ACOXL: variants seen among roughly 807,000 people sequenced by gnomAD.
ACOXL encodes the protein acyl-CoA oxidase like.
A neutral mutation model predicts 71.9 loss-of-function variants in ACOXL; 70 were observed. The observed-to-expected ratio is 0.97, with a 90% CI of 0.80 to 1.19. ACOXL has a LOEUF of 1.19. ACOXL is among the 50% of genes most tolerant of loss of function. ACOXL has a pLI of 0.00. For missense variants in ACOXL, 703 were observed against 736.3 expected (o/e 0.95, Z 0.52); for synonymous variants, 253 against 281.6 (o/e 0.90, Z 1.02).
chr2:110,988,775 A>T (rs2063043358), intron 13 of ACOXL, among the ~76,000 whole-genome samples: 1 of 151,886 alleles, frequency 6.6e-6, no homozygotes, highest in Non-Finnish European at 1.5e-5. Context: ...ACTATTAAGG[A>T]TGAGCATGAT....
Position 110,805,365 on chromosome 2 carries a change from T to TG in ACOXL, c.724dup (p.Val242GlyfsTer20). The TG allele has an allele frequency of 6.2e-7, 1 of 1,614,234 alleles. No homozygotes were observed. The highest frequency in any genetic ancestry group is 8.5e-7 in the Non-Finnish European group (1 of 1,180,036). On this transcript the variant is annotated frameshift_variant, in exon 9 of 18. Transcript: ENST00000439055. LOFTEE classifies it high-confidence loss of function. ...CAGCACTGACCCCTTCGAGATTAGC[T>TG]GTGGCTTTCCAAGCTATGGGTGCCA...
rs886565674 is a variant in ACOXL at position 110,770,741 on chromosome 2, C to T, written c.75+2277C>T. Among the ~76,000 whole-genome samples the T allele has an allele frequency of 2.6e-5, 4 of 152,318 alleles. 1 individual carries two copies. Among genetic ancestry groups the T allele is most frequent in the Admixed American group, 1.3e-4 (2 of 15,298 alleles). On this transcript the variant is annotated intron_variant, in intron 2 of 17. Coordinates refer to ENST00000439055, the MANE Select transcript of ACOXL (RefSeq NM_001142807.4). ...TCTCTGTCAGAGTCGCCTCCAAGTGCGTTCGGCATGGGGCTGGTTGGAAGG... is the reference window on the plus strand; with the variant it reads ...TCTCTGTCAGAGTCGCCTCCAAGTGTGTTCGGCATGGGGCTGGTTGGAAGG...
intron 17 of ACOXL, among the ~76,000 whole-genome samples, chr2:111,101,707 C>T (rs1010906835): frequency 3.3e-5 from 5 of 151,906 alleles, no homozygotes; most frequent in Non-Finnish European, 5.9e-5. Flanking sequence ...ACCCCACCCA[C>T]CCCATCCAGT....
At chr2:111,047,645 G>A (rs1052830528) in intron 15 of ACOXL, among the ~76,000 whole-genome samples, 1 of 152,188 alleles carries the variant, frequency 6.6e-6, no homozygotes, top group East Asian at 1.9e-4. Context: ...AAAAGCATTC[G>A]TGTAAACTTA....
At chr2:111,088,422 A>G (rs1220538002) in intron 16 of ACOXL, among the ~76,000 whole-genome samples, 1 of 152,234 alleles carries the variant, frequency 6.6e-6, no homozygotes, top group African/African-American at 2.4e-5. Context: ...GGCTTCGTAA[A>G]GAAACTGTGG....
intron 14 of ACOXL, among the ~76,000 whole-genome samples, chr2:111,009,764 C>T (rs927472982): frequency 2.6e-5 from 4 of 152,110 alleles, no homozygotes; most frequent in Admixed American, 1.3e-4. Flanking sequence ...TTGCCCACCA[C>T]ACAGGAGTCA....
chr2:110,766,457 T>C (rs1681078769), intron 1 of ACOXL, among the ~76,000 whole-genome samples: 1 of 152,164 alleles, frequency 6.6e-6, no homozygotes, highest in African/African-American at 2.4e-5. Flanking sequence ...CTCAGTTGCC[T>C]TCAGATGGGG....
Position 110,738,785 on chromosome 2 carries a change from G to A in ACOXL, c.-23+6011G>A, listed in dbSNP as rs80116708. Among the ~76,000 whole-genome samples the A allele has an allele frequency of 2.3e-4, 35 of 152,276 alleles. No homozygotes were observed. The East Asian group carries it at 6.6e-3, about 29-fold the overall frequency. The stretch of plus-strand genomic sequence containing the variant: ...CATCTGGAACTCCTTTTGCTCAGAT[G>A]TTGTACCTCCTTGCCTTGTCTTCTA... On this transcript the variant is annotated intron_variant, in intron 1 of 17. Transcript: ENST00000439055.
intron 5 of ACOXL, chr2:110,796,047 T>C (rs1685242974): frequency 7.1e-6 from 1 of 140,134 alleles, no homozygotes; most frequent in Non-Finnish European, 1.6e-5. Context: ...CATAAACTCA[T>C]ACCACCGAGA....
intron 16 of ACOXL, among the ~76,000 whole-genome samples, chr2:111,056,833 A>G (rs2066566908): frequency 6.6e-6 from 1 of 151,464 alleles, no homozygotes; most frequent in Admixed American, 6.6e-5. Flanking sequence ...GCCAGGCTCC[A>G]TAGTAAGTCA....
chr2:111,045,608 TCAGGTATGTC>T (rs2065979617), intron 15 of ACOXL, among the ~76,000 whole-genome samples: 1 of 58,790 alleles, frequency 1.7e-5, no homozygotes, highest in Non-Finnish European at 3.8e-5. Flanking sequence ...TTACCCACTC[TCAGGTATGTC>T]TTTATGAAAA....
At chr2:110,793,854 C>A in intron 4 of ACOXL, 118 bp downstream of exon 4, 1 of 990,854 alleles carries the variant, frequency 1.0e-6, no homozygotes, top group Non-Finnish European at 1.5e-6. Flanking sequence ...TTTGTATCAG[C>A]AAAAATCTTG....
intron 9 of ACOXL, among the ~76,000 whole-genome samples, chr2:110,840,835 T>C (rs1324221613): frequency 6.6e-6 from 1 of 152,220 alleles, no homozygotes; most frequent in Non-Finnish European, 1.5e-5. Flanking sequence ...TTGCCCGCCT[T>C]GAGCTTATGG....
intron 9 of ACOXL, among the ~76,000 whole-genome samples, chr2:110,814,273 G>A (rs1361176157): frequency 6.6e-6 from 1 of 152,184 alleles, no homozygotes; most frequent in Non-Finnish European, 1.5e-5. Context: ...TGCCGACTTT[G>A]CCTCACAGCT....
intron 16 of ACOXL, among the ~76,000 whole-genome samples, chr2:111,067,125 C>G (rs894638866): frequency 2.6e-5 from 4 of 151,976 alleles, no homozygotes; most frequent in African/African-American, 9.7e-5. Context: ...TCAGTAAATT[C>G]CACAAAGTAA....
At chr2:110,903,880 C>G (rs972112103) in intron 10 of ACOXL, among the ~76,000 whole-genome samples, 1 of 152,252 alleles carries the variant, frequency 6.6e-6, no homozygotes, top group Non-Finnish European at 1.5e-5. Flanking sequence ...GGCAGGGTCT[C>G]TCACGGGCCA....
intron 14 of ACOXL, among the ~76,000 whole-genome samples, chr2:111,003,465 T>G (rs951597172): frequency 1.9e-4 from 27 of 140,914 alleles, no homozygotes; most frequent in African/African-American, 7.1e-4. Context: ...GCAAGAGAAT[T>G]GCTTGAACCC....
chr2:110,969,855 T>A (rs966179238), intron 12 of ACOXL, among the ~76,000 whole-genome samples: 1 of 151,950 alleles, frequency 6.6e-6, no homozygotes, highest in Non-Finnish European at 1.5e-5. Flanking sequence ...AGCTTTACAT[T>A]GATAAATTTG....
At chr2:110,793,002 G>A (rs1684831371) in intron 3 of ACOXL, among the ~76,000 whole-genome samples, 1 of 152,204 alleles carries the variant, frequency 6.6e-6, no homozygotes, top group South Asian at 2.1e-4. Flanking sequence ...AAATGGGGAT[G>A]ATGATGCTTT....
Sources: allele counts gnomAD v4.1 joint callset (sites outside exome capture counted in the v4.1 genomes callset), GRCh38; gene constraint gnomAD v4.1.1; transcripts MANE v1.5; gene names NCBI Gene and HGNC (gene_info 2026-07-23, HGNC 2026-07-21).